DNAAF1: variants seen among roughly 807,000 people sequenced by gnomAD.
The protein encoded by DNAAF1 is dynein axonemal assembly factor 1.
A neutral mutation model predicts 71.1 loss-of-function variants in DNAAF1; 65 were observed. The ratio of observed to expected loss-of-function variants is 0.91; its 90% confidence interval spans 0.75 to 1.12. DNAAF1 has a LOEUF of 1.12. Ranked by LOEUF, DNAAF1 falls within the 50% of genes most tolerant of loss-of-function variation. The pLI is 0.00. For missense variants in DNAAF1, 1,178 were observed against 899.8 expected (o/e 1.31, Z -3.96); for synonymous variants, 414 against 354.6 (o/e 1.17, Z -1.88).
intron 10 of DNAAF1, 29 bp from the exon 11 acceptor site, chr16:84,175,904 C>T (rs749117087): frequency 6.2e-7 from 1 of 1,612,836 alleles, no homozygotes; most frequent in East Asian, 2.2e-5. Flanking sequence ...AAAACAGAAA[C>T]TTTCAGACAC....
At chr16:84,159,092 G>A in intron 5 of DNAAF1, 1 of 992,724 alleles carries the variant, frequency 1.0e-6, no homozygotes, top group Non-Finnish European at 1.2e-6. Flanking sequence ...AGTATTTAAA[G>A]ATGGGGGAGG....
intron 6 of DNAAF1, among the ~76,000 whole-genome samples, chr16:84,164,475 G>A (rs1386867771): frequency 6.6e-6 from 1 of 152,106 alleles, no homozygotes; most frequent in Non-Finnish European, 1.5e-5. Context: ...CTGTCTCCAT[G>A]GTTTTGCCTT....
At chr16:84,150,131 A>T in intron 2 of DNAAF1, 120 bp from the exon 3 acceptor site, 1 of 728,404 alleles carries the variant, frequency 1.4e-6, no homozygotes, top group Non-Finnish European at 2.5e-6. Context: ...TAAAATAGGT[A>T]TCAGGGATAT....
At chr16:84,165,021 C>T (rs2087900176) in intron 6 of DNAAF1, among the ~76,000 whole-genome samples, 1 of 152,212 alleles carries the variant, frequency 6.6e-6, no homozygotes, top group Admixed American at 6.5e-5. Context: ...TGATGTGGAG[C>T]ATCTTTTCAC....
rs79772571 is a variant in DNAAF1, at chr16:84,169,854, A to T, written c.1031-5A>T. On this transcript the variant is annotated splice_region_variant and splice_polypyrimidine_tract_variant and intron_variant, in intron 7 of 11. Transcript: ENST00000378553. ...CACATTCACCTTTGCATTTTCTGCC[A>T]TTAGGGGAGATGACATCTTCAGATG... is the stretch of plus-strand genomic sequence containing the variant. The T allele has an allele frequency of 1.5e-3, 2,429 of 1,613,494 alleles. 4 individuals carry two copies. The highest frequency in any genetic ancestry group is 1.7e-3 in the Non-Finnish European group (2,035 of 1,180,024).
intron 3 of DNAAF1, among the ~76,000 whole-genome samples, chr16:84,150,597 A>AT (rs113037324): frequency 2.0e-4 from 30 of 149,370 alleles, no homozygotes; most frequent in African/African-American, 4.9e-4. Context: ...TTCCTAAGGA[A>AT]TTTTTTTTTC....
chr16:84,167,271 G>A lies in DNAAF1; in HGVS notation c.1030+1322G>A, dbSNP rs1441435797. 3.9e-5 allele frequency among the ~76,000 whole-genome samples: 6 copies of A among 152,078 alleles called. No homozygotes were observed. The South Asian group carries it at 1.2e-3, about 32-fold the overall frequency. On this transcript the variant is annotated intron_variant, in intron 7 of 11. Transcript: ENST00000378553. Reference sequence around the variant, plus strand: ...TAGGGAAGGGTCTGTGGGAAGGGGCGGAGCTTCATACCCTCTCTGGCCACA... The same window carrying A: ...TAGGGAAGGGTCTGTGGGAAGGGGCAGAGCTTCATACCCTCTCTGGCCACA...
chr16:84,175,147 C>A (rs1428261763), intron 10 of DNAAF1: 2 of 242,660 alleles, frequency 8.2e-6, no homozygotes, highest in South Asian at 5.3e-5. Context: ...TGAGCCACCG[C>A]ACCCAGCCCA....
intron 5 of DNAAF1, among the ~76,000 whole-genome samples, chr16:84,157,200 C>T (rs1274993399): frequency 2.0e-5 from 3 of 151,974 alleles, no homozygotes; most frequent in Non-Finnish European, 1.5e-5. Context: ...ATTTAACTCT[C>T]GCTATCACTT....
Position 84,150,455 on chromosome 16 carries a change from A to G in DNAAF1, c.352+113A>G, listed in dbSNP as rs561712764. The stretch of plus-strand genomic sequence containing the variant: ...GTTCTCAGAATGTATCTAAGCAGGA[A>G]ATTTCAAAGTTTAGTGGAGATTTAT... On this transcript the variant is annotated intron_variant, in intron 3 of 11. Coordinates refer to ENST00000378553, the MANE Select transcript of DNAAF1 (RefSeq NM_178452.6). The G allele has an allele frequency of 8.5e-4, 710 of 836,290 alleles. 2 individuals carry two copies. The highest frequency in any genetic ancestry group is 1.3e-3 in the Non-Finnish European group (638 of 497,952). The allele number at this position is 836,290 out of a possible 1,614,324, so 51.8% of individuals were successfully genotyped here.
intron 9 of DNAAF1, 147 bp downstream of exon 9, chr16:84,172,522 T>A: frequency 2.0e-6 from 3 of 1,489,118 alleles, no homozygotes; most frequent in Non-Finnish European, 2.7e-6. Flanking sequence ...TGGTTAGAAA[T>A]GCAGACTCCC....
At chr16:84,153,014 T>C (rs562467261) in intron 3 of DNAAF1, among the ~76,000 whole-genome samples, 1 of 152,192 alleles carries the variant, frequency 6.6e-6, no homozygotes, top group South Asian at 2.1e-4. Flanking sequence ...TGGACCTTAT[T>C]TGTATGTTGA....
chr16:84,177,467 T>C (rs907920177), intron 11 of DNAAF1: 2 of 403,664 alleles, frequency 5.0e-6, no homozygotes, highest in South Asian at 4.1e-5. Flanking sequence ...TAGCTGGTAT[T>C]ATAGGGGCCT....
rs751657313 is a variant in DNAAF1 at position 84,165,900 on chromosome 16, C to G, written c.981C>G (p.Ile327Met). Residue 327 changes from isoleucine to methionine, a missense_variant, in exon 7 of 12, where the codon ATC becomes ATG. Transcript: ENST00000378553. Reference protein sequence around the residue: ...ITDSIEALAMIKQRAEERKRQ... With the variant: ...ITDSIEALAMMKQRAEERKRQ... ...ACAGCATTGAAGCCTTGGCCATGAT[C>G]AAGCAGCGGGCAGAGGAGAGGAAAA... 5 of 1,613,378 alleles carry G rather than the reference C, an allele frequency of 3.1e-6. No individual in the cohort carries two copies. The African/African-American group carries it at 5.4e-5, about 17-fold the overall frequency.
intron 4 of DNAAF1, among the ~76,000 whole-genome samples, chr16:84,155,181 T>C (rs1427861236): frequency 6.6e-6 from 1 of 152,196 alleles, no homozygotes; most frequent in East Asian, 1.9e-4. Context: ...GTGCTGGGAT[T>C]ACAGGCGTGA....
intron 1 of DNAAF1, among the ~76,000 whole-genome samples, chr16:84,148,596 C>CTCTCTTTTTT: frequency 9.2e-5 from 4 of 43,570 alleles, no homozygotes; most frequent in Admixed American, 3.2e-4. Flanking sequence ...CTCTCTCTCT[C>CTCTCTTTTTT]TTTTTTTTTT....
Position 84,170,193 on chromosome 16 carries a change from T to C in DNAAF1, c.1365T>C (p.Val455=). 1 of 1,602,956 alleles carries C rather than the reference T, an allele frequency of 6.2e-7. No homozygotes were observed. The highest frequency in any genetic ancestry group is 8.5e-7 in the Non-Finnish European group (1 of 1,176,726). Reference sequence around the variant, plus strand: ...CACCACCCCCGCCACCTGTGGAGGTTAAAGGAGAGGATGGAGATCAAGAGC... The same window carrying C: ...CACCACCCCCGCCACCTGTGGAGGTCAAAGGAGAGGATGGAGATCAAGAGC... The part of the protein sequence containing the change: ...EAPPPPPPVE[V]KGEDGDQEPE... Residue 455 remains valine (V), a synonymous_variant, in exon 8 of 12, where the codon GTT becomes GTC. Coordinates refer to ENST00000378553, the MANE Select transcript of DNAAF1 (RefSeq NM_178452.6).
At chr16:84,145,629 C>A in intron 1 of DNAAF1, 65 bp downstream of exon 1, 1 of 1,520,864 alleles carries the variant, frequency 6.6e-7, no homozygotes, top group Non-Finnish European at 8.8e-7. Flanking sequence ...CTCCAGCCCC[C>A]TTCCCACACC....
At chr16:84,145,653 T>C in intron 1 of DNAAF1, 89 bp downstream of exon 1, 1 of 1,436,546 alleles carries the variant, frequency 7.0e-7, no homozygotes, top group South Asian at 1.3e-5. Flanking sequence ...TACCCGATCT[T>C]CACAGCCAAA....
Sources: allele counts gnomAD v4.1 joint callset (sites outside exome capture counted in the v4.1 genomes callset), GRCh38; gene constraint gnomAD v4.1.1; transcripts MANE v1.5; gene names NCBI Gene and HGNC (gene_info 2026-07-23, HGNC 2026-07-21).